NRG1: variants seen among roughly 807,000 people sequenced by gnomAD.
NRG1 encodes pro-neuregulin-1, membrane-bound isoform.
In NRG1, 18 loss-of-function variants were observed where a neutral mutation model predicts 63.8. The ratio of observed to expected loss-of-function variants is 0.28; its 90% CI spans 0.19 to 0.42. NRG1 has a LOEUF of 0.42. NRG1 is among the 10% of genes least tolerant of loss of function. NRG1 has a pLI of 1.00. For synonymous variants in NRG1, 302 were observed against 301.3 expected, an observed-to-expected ratio of 1.00 and a Z score of -0.02; for missense variants, 762 against 814.7, an observed-to-expected ratio of 0.94 and a Z score of 0.79.
chr8:32,142,020 A>G (rs552021477), intron 1 of NRG1, among the ~76,000 whole-genome samples: 1 of 152,196 alleles, frequency 6.6e-6, no homozygotes, highest in Admixed American at 6.5e-5. Context: ...CTTCTCCATC[A>G]GTTTCCTGGG....
intron 1 of NRG1, among the ~76,000 whole-genome samples, chr8:31,814,332 G>A (rs181014435): frequency 8.5e-5 from 13 of 152,264 alleles, no homozygotes; most frequent in Non-Finnish European, 1.5e-4. Flanking sequence ...CTCCAGCCCC[G>A]GTTCCTTTTC....
chr8:32,208,088 A>C (rs185108858), intron 1 of NRG1, among the ~76,000 whole-genome samples: 2 of 152,280 alleles, frequency 1.3e-5, no homozygotes, highest in Non-Finnish European at 2.9e-5. Flanking sequence ...TCTAATGTCT[A>C]TGTGTTCTCA....
chr8:31,712,726 A>G (rs945067078), intron 1 of NRG1, among the ~76,000 whole-genome samples: 1 of 152,042 alleles, frequency 6.6e-6, no homozygotes, highest in African/African-American at 2.4e-5. Flanking sequence ...ACCGCATATC[A>G]GTGTTGTTCC....
intron 1 of NRG1, among the ~76,000 whole-genome samples, chr8:32,498,182 G>T (rs190197617): frequency 6.6e-6 from 1 of 152,266 alleles, no homozygotes; most frequent in East Asian, 1.9e-4. Flanking sequence ...GAAAATCAAA[G>T]AAGTGGTTAG....
At chr8:32,473,698 T>G (rs1018442422) in intron 1 of NRG1, among the ~76,000 whole-genome samples, 5 of 152,184 alleles carry the variant, frequency 3.3e-5, no homozygotes, top group Non-Finnish European at 7.3e-5. Flanking sequence ...TTTGTTTGTC[T>G]TTAGAGAAAT....
intron 1 of NRG1, among the ~76,000 whole-genome samples, chr8:31,954,284 G>A (rs1803999047): frequency 6.6e-6 from 1 of 152,242 alleles, no homozygotes; most frequent in Non-Finnish European, 1.5e-5. Context: ...AAAGTGACTT[G>A]TCTCAGGTCC....
At chr8:31,663,655 TAG>T (rs1262328295) in intron 1 of NRG1, among the ~76,000 whole-genome samples, 3 of 152,192 alleles carry the variant, frequency 2.0e-5, no homozygotes, top group African/African-American at 7.2e-5. Flanking sequence ...TAACATTTTG[TAG>T]AGTTAGGAGT....
At chr8:31,863,317 A>G (rs927489532) in intron 1 of NRG1, among the ~76,000 whole-genome samples, 8 of 152,204 alleles carry the variant, frequency 5.3e-5, no homozygotes, top group Non-Finnish European at 8.8e-5. Context: ...GTGTCCATCT[A>G]TTAAATGGGA....
At chr8:32,535,503 C>A (rs1189187008) in intron 1 of NRG1, among the ~76,000 whole-genome samples, 1 of 152,094 alleles carries the variant, frequency 6.6e-6, no homozygotes, top group Non-Finnish European at 1.5e-5. Context: ...AAACCACGAC[C>A]CTCTAAAAAT....
intron 1 of NRG1, among the ~76,000 whole-genome samples, chr8:32,263,391 T>C (rs1021958038): frequency 2.6e-5 from 4 of 152,138 alleles, no homozygotes; most frequent in Admixed American, 6.6e-5. Context: ...GTGTGAGCGA[T>C]AAGGTAAGTC....
At chr8:32,539,243 C>T (rs4733352) in intron 1 of NRG1, among the ~76,000 whole-genome samples, 16,970 of 152,066 alleles carry the variant, frequency 0.11, 1,222 homozygotes, top group Admixed American at 0.24. Flanking sequence ...AGACGTTACA[C>T]GAAGGAATGA....
At chr8:32,189,034 G>T (rs952514847) in intron 1 of NRG1, among the ~76,000 whole-genome samples, 1 of 152,100 alleles carries the variant, frequency 6.6e-6, no homozygotes, top group African/African-American at 2.4e-5. Context: ...ATGCAACCCT[G>T]GATGGCATCT....
chr8:31,870,468 T>C (rs1829377460), intron 1 of NRG1, among the ~76,000 whole-genome samples: 1 of 152,120 alleles, frequency 6.6e-6, no homozygotes, highest in Admixed American at 6.6e-5. Context: ...AAACTTGAGG[T>C]ATGTTGGTCT....
At chr8:32,035,360 T>G (rs1818873257) in intron 1 of NRG1, among the ~76,000 whole-genome samples, 1 of 152,130 alleles carries the variant, frequency 6.6e-6, no homozygotes, top group South Asian at 2.1e-4. Flanking sequence ...TTACTTTCAA[T>G]TATTTGATCA....
intron 1 of NRG1, among the ~76,000 whole-genome samples, chr8:32,426,635 C>A (rs1246461835): frequency 3.9e-5 from 6 of 152,106 alleles, no homozygotes; most frequent in Non-Finnish European, 7.4e-5. Context: ...CCTTCTCTCC[C>A]AGTCTCAACA....
At position 32,199,066 on chromosome 8, in the gene NRG1, T is replaced by C. The variant is rs185499404; in HGVS notation, c.38-396762T>C. Among the ~76,000 whole-genome samples, 601 of 152,252 alleles carry C rather than the reference T, an allele frequency of 3.9e-3. 1 individual carries two copies. The highest frequency in any genetic ancestry group is 5.8e-3 in the Non-Finnish European group (397 of 68,016). Reference sequence around the variant, plus strand: ...CGCTCTGCTTATTTTGAACAATCTTTTATTTTTTTCTGGAGTTGATAATTG... The same window carrying C: ...CGCTCTGCTTATTTTGAACAATCTTCTATTTTTTTCTGGAGTTGATAATTG... On this transcript the variant is annotated intron_variant, in intron 1 of 10. Transcript: ENST00000519301.
rs185842437 is a variant in NRG1 at position 32,185,699 on chromosome 8, G to A, written c.38-410129G>A. On this transcript the variant is annotated intron_variant, in intron 1 of 10. Transcript: ENST00000519301. ...CCAGTAAAATGTTCATTCAACTTTTGTTCATCTCTCCTCTAGTCACACTTT... is the reference window on the plus strand; with the variant it reads ...CCAGTAAAATGTTCATTCAACTTTTATTCATCTCTCCTCTAGTCACACTTT... 5.3e-5 allele frequency among the ~76,000 whole-genome samples: 8 copies of A among 152,214 alleles called. No homozygotes were observed. The East Asian group carries it at 1.2e-3, about 22-fold the overall frequency.
intron 1 of NRG1, among the ~76,000 whole-genome samples, chr8:32,278,874 A>G (rs930838992): frequency 6.6e-6 from 1 of 152,176 alleles, no homozygotes; most frequent in African/African-American, 2.4e-5. Flanking sequence ...GCTGACGTCT[A>G]TTGTCCTGCA....
intron 1 of NRG1, among the ~76,000 whole-genome samples, chr8:32,345,608 C>T (rs1339282777): frequency 6.6e-6 from 1 of 152,138 alleles, no homozygotes; most frequent in African/African-American, 2.4e-5. Flanking sequence ...ATCACTACAG[C>T]ACAATACATG....
Sources: allele counts gnomAD v4.1 joint callset (sites outside exome capture counted in the v4.1 genomes callset), GRCh38; gene constraint gnomAD v4.1.1; transcripts MANE v1.5; gene names NCBI Gene and HGNC (gene_info 2026-07-23, HGNC 2026-07-21).